Variants in ETNK2 observed in about 807,000 individuals in gnomAD.
The protein encoded by ETNK2 is ethanolamine kinase 2, also known as ethanolamine kinase-like protein.
Under a neutral mutation model 46.2 loss-of-function variants are expected in ETNK2, and 33 were observed. That is an observed-to-expected ratio of 0.71 (90% CI 0.54 to 0.96). The LOEUF (loss-of-function observed/expected upper bound fraction) is 0.96. Ranked by LOEUF, ETNK2 falls within the 40% of genes least tolerant of loss-of-function variation. The probability of loss-of-function intolerance (pLI) is 0.00; values close to 1 mark genes in which losing one functional copy is unlikely to be tolerated. For missense variants in ETNK2, 445 were observed against 509.7 expected, an observed-to-expected ratio of 0.87 and a Z score of 1.22; for synonymous variants, 194 against 209.0, an observed-to-expected ratio of 0.93 and a Z score of 0.62.
chr1:204,142,779 A>G (rs41308373), intron 3 of ETNK2: 1,742 of 152,092 alleles, frequency 0.011, 13 homozygotes, highest in Middle Eastern at 0.027. Flanking sequence ...TGACTGAGGC[A>G]CTCCTCTGCC....
Position 204,151,118 on chromosome 1 carries a change from C to T in ETNK2, c.258+477G>A, listed in dbSNP as rs1019201776. Reference sequence around the variant, plus strand: ...CTAGCTGGAATTCCACAGGGTGGCTCCTGGGACCCACAGGGGCAGCTCAGA... The same window carrying T: ...CTAGCTGGAATTCCACAGGGTGGCTTCTGGGACCCACAGGGGCAGCTCAGA... On this transcript the variant is annotated intron_variant, in intron 1 of 7. Coordinates refer to ENST00000367202, the MANE Select transcript of ETNK2 (RefSeq NM_018208.4). The surrounding 1 kb of genome is among the most constrained non-coding windows in gnomAD (Gnocchi z 8.0). 1.9e-5 allele frequency: 4 copies of T among 208,188 alleles called. No homozygotes were observed. Among genetic ancestry groups the T allele is most frequent in the African/African-American group, 7.2e-5 (3 of 41,794 alleles). The allele number at this position is 208,188 out of a possible 1,614,324, so 12.9% of individuals were successfully genotyped here. A position where few individuals can be genotyped will look rare whatever the true frequency, so the allele number is the denominator to read the frequency against.
At chr1:204,148,117 T>G (rs1399816139) in intron 2 of ETNK2, among the ~76,000 whole-genome samples, 1 of 152,068 alleles carries the variant, frequency 6.6e-6, no homozygotes, top group Non-Finnish European at 1.5e-5. Flanking sequence ...CAAGGGAACA[T>G]GTAGAGGGTG....
intron 1 of ETNK2, 102 bp from the exon 2 acceptor site, chr1:204,150,064 T>G (rs1657947443): frequency 6.0e-6 from 8 of 1,325,928 alleles, no homozygotes; most frequent in Non-Finnish European, 7.2e-6. Context: ...CTCATTTGAA[T>G]GCCGAGCACA....
chr1:204,149,554 C>CAGAGAGGGGCTATCGCTTTCTGT, intron 2 of ETNK2, 149 bp downstream of exon 2: 1 of 998,280 alleles, frequency 1.0e-6, no homozygotes, highest in Non-Finnish European at 1.4e-6. Context: ...CCCCTCTCTG[C>CAGAGAGGGGCTATCGCTTTCTGT]AGAGCAATGC....
chr1:204,134,709 G>A (rs186336304), intron 6 of ETNK2, 121 bp from the exon 7 acceptor site: 258 of 1,603,004 alleles, frequency 1.6e-4, no homozygotes, highest in Non-Finnish European at 2.1e-4. Context: ...AAGAGATGTG[G>A]TGGGGTCTCC....
chr1:204,148,256 C>A (rs150485417), intron 2 of ETNK2, among the ~76,000 whole-genome samples: 2 of 152,136 alleles, frequency 1.3e-5, no homozygotes, highest in Non-Finnish European at 2.9e-5. Context: ...CCAGATGTCA[C>A]GTTCTTCTTC....
In ETNK2 at chr1:204,141,176, C is replaced by T. The variant is rs140306385; in HGVS notation, c.784+139G>A. The T allele has an allele frequency of 6.0e-4, 624 of 1,040,998 alleles. No individual in the cohort carries two copies. The African/African-American group carries it at 9.0e-3, about 15-fold the overall frequency. The allele number at this position is 1,040,998 out of a possible 1,614,324, so 64.5% of individuals were successfully genotyped here. ...AATTTTTTATTTCCTTTCCCCCTTC[C>T]CTCCTACAAATTAACTTAAGACCTA... is the stretch of plus-strand genomic sequence containing the variant. On this transcript the variant is annotated intron_variant, in intron 4 of 7. Transcript: ENST00000367202.
intron 5 of ETNK2, 78 bp from the exon 6 acceptor site, chr1:204,137,327 C>T (rs554916221): frequency 6.6e-7 from 1 of 1,507,240 alleles, no homozygotes; most frequent in South Asian, 1.3e-5. Context: ...TAGGTGTTCC[C>T]ATCTCCCCTC....
intron 7 of ETNK2, among the ~76,000 whole-genome samples, chr1:204,132,625 G>A (rs1657118135): frequency 1.3e-5 from 2 of 151,978 alleles, no homozygotes; most frequent in Non-Finnish European, 1.5e-5. Context: ...TAGAGACAGG[G>A]TTTCACCATG....
At chr1:204,149,574 T>C (rs921572161) in intron 2 of ETNK2, 129 bp downstream of exon 2, 102 of 1,190,824 alleles carry the variant, frequency 8.6e-5, no homozygotes, top group South Asian at 1.1e-4. Context: ...CATATAAACA[T>C]GCATTTTTCA....
chr1:204,141,542 T>A, intron 3 of ETNK2, 85 bp from the exon 4 acceptor site: 1 of 1,442,018 alleles, frequency 6.9e-7, no homozygotes, highest in Non-Finnish European at 9.4e-7. Flanking sequence ...CTGAGCCTCA[T>A]CACTCCCTCT....
Position 204,146,781 on chromosome 1 carries a change from G to T in ETNK2, c.519-17C>A, listed in dbSNP as rs773026192. The T allele has an allele frequency of 6.2e-7, 1 of 1,613,888 alleles. No homozygotes were observed. Among genetic ancestry groups the T allele is most frequent in the South Asian group, 1.1e-5 (1 of 91,046 alleles). On this transcript the variant is annotated splice_polypyrimidine_tract_variant and intron_variant, in intron 2 of 7. Transcript: ENST00000367202. The stretch of plus-strand genomic sequence containing the variant: ...GCGATTAACCTACAGCAGGGAACAG[G>T]AAGAGTAGAGCATCAGTGCTGGGAC...
At chr1:204,141,150 G>T in intron 4 of ETNK2, 165 bp downstream of exon 4, 1 of 888,206 alleles carries the variant, frequency 1.1e-6, no homozygotes, top group South Asian at 1.4e-5. Flanking sequence ...TTCAAAGTGG[G>T]AATTTTTTAT....
At chr1:204,136,085 A>T (rs945206928) in intron 6 of ETNK2, among the ~76,000 whole-genome samples, 2 of 152,182 alleles carry the variant, frequency 1.3e-5, no homozygotes, top group African/African-American at 4.8e-5. Flanking sequence ...AGGTTAAAAA[A>T]ATATATATGT....
At chr1:204,138,197 A>G (rs908145191) in intron 5 of ETNK2, among the ~76,000 whole-genome samples, 3 of 152,158 alleles carry the variant, frequency 2.0e-5, no homozygotes, top group Non-Finnish European at 4.4e-5. Flanking sequence ...TTAGAGGCAG[A>G]GTCAGGGCTG....
chr1:204,148,686 C>T (rs1162608685), intron 2 of ETNK2, among the ~76,000 whole-genome samples: 1 of 152,162 alleles, frequency 6.6e-6, no homozygotes, highest in Non-Finnish European at 1.5e-5. Context: ...CTCTCAAATC[C>T]TCTTCTTCTA....
At chr1:204,140,737 C>A (rs1396500413) in intron 4 of ETNK2, among the ~76,000 whole-genome samples, 2 of 151,638 alleles carry the variant, frequency 1.3e-5, no homozygotes, top group East Asian at 3.9e-4. Context: ...GTTGGCCAGG[C>A]TGGTCTTGAA....
At position 204,151,573 on chromosome 1, in the gene ETNK2, G is replaced by A. The variant is rs1362891985; in HGVS notation, c.258+22C>T. 2 of 1,548,192 alleles carry A rather than the reference G, an allele frequency of 1.3e-6. No homozygotes were observed. Among genetic ancestry groups the A allele is most frequent in the Non-Finnish European group, 1.7e-6 (2 of 1,145,928 alleles). On this transcript the variant is annotated intron_variant, in intron 1 of 7. Coordinates refer to ENST00000367202, the MANE Select transcript of ETNK2 (RefSeq NM_018208.4). This position sits in a 1 kb window ranked among gnomAD's most constrained non-coding sequence, Gnocchi z 8.0. ...GCAGCCCTGGCAGGACCCCATCCTC[G>A]GCCCCGCGCCCACTCCGCTACCTTG...
chr1:204,146,805 A>T, intron 2 of ETNK2, 41 bp from the exon 3 acceptor site: 3 of 1,612,746 alleles, frequency 1.9e-6, no homozygotes, highest in Non-Finnish European at 2.5e-6. Context: ...CAGTGCTGGG[A>T]CATTGCCTTC....
Sources: gnomAD v4.1 joint callset for allele counts (sites outside exome capture counted in the v4.1 genomes callset) on GRCh38, gnomAD v4.1.1 for gene constraint, Gnocchi (gnomAD v3.1) non-coding constraint, MANE v1.5 for transcripts, NCBI Gene and HGNC (gene_info 2026-07-23, HGNC 2026-07-21) for gene names.